Variants in FCRL5 observed in about 807,000 individuals in gnomAD.
FCRL5 encodes the protein Fc receptor-like protein 5.
A neutral mutation model predicts 92.1 loss-of-function variants in FCRL5; 79 were observed. The observed-to-expected ratio is 0.86, with a 90% confidence interval of 0.72 to 1.03. FCRL5 has a LOEUF of 1.03. Among genes scored for constraint, FCRL5 ranks in the 50% least tolerant of loss-of-function variants. The probability of loss-of-function intolerance (pLI) is 0.00; values close to 1 mark genes in which losing one functional copy is unlikely to be tolerated. For synonymous variants in FCRL5, 466 were observed against 469.3 expected, an observed-to-expected ratio of 0.99 and a Z score of 0.09; for missense variants, 1,160 against 1,181.1, an observed-to-expected ratio of 0.98 and a Z score of 0.26.
rs1649921636 is a variant in FCRL5, at chr1:157,516,110, C to A, written c.2813-237G>T. 84 of 613,784 alleles carry A rather than the reference C, an allele frequency of 1.4e-4. No individual in the cohort carries two copies. The South Asian group carries it at 1.6e-3, about 11-fold the overall frequency. The allele number at this position is 613,784 out of a possible 1,614,324, so 38.0% of individuals were successfully genotyped here. On this transcript the variant is annotated intron_variant, in intron 15 of 16. Transcript: ENST00000361835. ...TTCACACTTTGTGGCCCACTCTGAG[C>A]TGCCTAGAGGCCCTCAAGAGAAAGT...
At position 157,515,612 on chromosome 1, in the gene FCRL5, T is replaced by A. The variant is rs963638462; in HGVS notation, c.*63A>T. On this transcript the variant is annotated 3_prime_UTR_variant, in exon 17 of 17. Coordinates refer to ENST00000361835, the MANE Select transcript of FCRL5 (RefSeq NM_031281.3). Reference sequence around the variant, plus strand: ...CTAAATCTTCCCACTTCAATGCTGCTTCTCCCCCAAGGGGAACTTTGGGGT... The same window carrying A: ...CTAAATCTTCCCACTTCAATGCTGCATCTCCCCCAAGGGGAACTTTGGGGT... 4 of 1,613,784 alleles carry A rather than the reference T, an allele frequency of 2.5e-6. No homozygotes were observed. The highest frequency in any genetic ancestry group is 2.5e-6 in the Non-Finnish European group (3 of 1,180,022).
rs60191062 is a variant in FCRL5 at position 157,535,943 on chromosome 1, G to GTTTTTTTTTTTTTTTT, written c.1403-1067_1403-1052dup. ...GGCTAAATTCACTGGATGTGACTCA[G>GTTTTTTTTTTTTTTTT]TTTTTTTTTTTTTTTTGAGATGGAG... On this transcript the variant is annotated intron_variant, in intron 7 of 16. Coordinates refer to ENST00000361835, the MANE Select transcript of FCRL5 (RefSeq NM_031281.3). 7.4e-4 allele frequency among the ~76,000 whole-genome samples: 67 copies of GTTTTTTTTTTTTTTTT among 90,020 alleles called. 8 individuals carry two copies. The highest frequency in any genetic ancestry group is 8.7e-4 in the Non-Finnish European group (41 of 46,928). 59.1% of individuals were successfully genotyped at this position (90,020 alleles called of 152,430 possible). A position where few individuals can be genotyped will look rare whatever the true frequency, so the allele number is the denominator to read the frequency against.
intron 3 of FCRL5, 98 bp from the exon 4 acceptor site, chr1:157,545,180 G>A (rs138313719): frequency 1.5e-6 from 2 of 1,334,386 alleles, no homozygotes; most frequent in African/African-American, 3.0e-5. Context: ...AAATGGGTTG[G>A]GAAAAAGAAC....
chr1:157,535,161 G>T (rs1472164525), intron 7 of FCRL5, among the ~76,000 whole-genome samples: 1 of 152,138 alleles, frequency 6.6e-6, no homozygotes, highest in African/African-American at 2.4e-5. Flanking sequence ...AGGAGATGAT[G>T]CTTTCAAGGA....
At chr1:157,524,164 TG>T (rs950672175) in intron 10 of FCRL5, 114 bp downstream of exon 10, 3 of 1,103,794 alleles carry the variant, frequency 2.7e-6, no homozygotes, top group Non-Finnish European at 2.6e-6. Flanking sequence ...GGAAGTGTGC[TG>T]GGATGCCACA....
rs1391141771 is a variant in FCRL5, at chr1:157,547,180, T to A, written c.70A>T (p.Ile24Phe). Residue 24 changes from isoleucine to phenylalanine, a missense_variant, in exon 3 of 17, where the codon ATT becomes TTT. Transcript: ENST00000361835. ...SGQFARTPRPIIFLQPPWTTV... is the reference protein window; with the variant it reads ...SGQFARTPRPFIFLQPPWTTV... ...GTCCATGGAGGCTGGAGGAAAATAA[T>A]GGGCCTGGGTGTCCTTGCTGAAGAG... 6.2e-7 allele frequency: 1 copy of A among 1,613,656 alleles called. No individual in the cohort carries two copies. The highest frequency in any genetic ancestry group is 1.1e-5 in the South Asian group (1 of 91,054).
chr1:157,546,094 C>T (rs946498332), intron 3 of FCRL5: 6 of 272,290 alleles, frequency 2.2e-5, no homozygotes, highest in Non-Finnish European at 3.7e-5. Flanking sequence ...GCATTATCTA[C>T]CCATAAGTAT....
chr1:157,518,641 C>T (rs1297197633), intron 14 of FCRL5, 59 bp downstream of exon 14: 1 of 1,531,476 alleles, frequency 6.5e-7, no homozygotes, highest in Admixed American at 1.7e-5. Flanking sequence ...TCTCCTGCCC[C>T]ACCGCTTTCC....
chr1:157,537,127 T>C (rs1367641885), intron 7 of FCRL5, among the ~76,000 whole-genome samples: 1 of 152,188 alleles, frequency 6.6e-6, no homozygotes, highest in African/African-American at 2.4e-5. Flanking sequence ...ATAACAGCAA[T>C]GTTCAGGGAA....
At chr1:157,539,973 T>C (rs1651173673) in intron 6 of FCRL5, among the ~76,000 whole-genome samples, 1 of 152,236 alleles carries the variant, frequency 6.6e-6, no homozygotes, top group African/African-American at 2.4e-5. Flanking sequence ...CAAAATCATC[T>C]TTGGAGAAGG....
intron 9 of FCRL5, among the ~76,000 whole-genome samples, chr1:157,525,015 A>AT (rs1650366313): frequency 6.6e-6 from 1 of 152,188 alleles, no homozygotes; most frequent in Non-Finnish European, 1.5e-5. Context: ...TTGAACAAAA[A>AT]TTTTTTAAAA....
chr1:157,539,387 C>T, intron 6 of FCRL5, 23 bp from the exon 7 acceptor site: 9 of 1,571,520 alleles, frequency 5.7e-6, no homozygotes, highest in Non-Finnish European at 7.8e-6. Context: ...AAAAATTAGT[C>T]AAGATTTGTT....
At position 157,514,094 on chromosome 1, in the gene FCRL5, C is replaced by T. The variant is rs145179024; in HGVS notation, c.*1581G>A. On this transcript the variant is annotated 3_prime_UTR_variant, in exon 17 of 17. Transcript: ENST00000361835. Reference sequence around the variant, plus strand: ...GCAGAGCCAGCCCTGTCTATCTGGGCAAGGCCCTGACACTTGGAAGCATGA... The same window carrying T: ...GCAGAGCCAGCCCTGTCTATCTGGGTAAGGCCCTGACACTTGGAAGCATGA... 2.0e-4 allele frequency: 31 copies of T among 152,340 alleles called. No individual in the cohort carries two copies. Among genetic ancestry groups the T allele is most frequent in the African/African-American group, 7.5e-4 (31 of 41,572 alleles). 9.4% of individuals were successfully genotyped at this position (152,340 alleles called of 1,614,324 possible). A position where few individuals can be genotyped will look rare whatever the true frequency, so the allele number is the denominator to read the frequency against.
At chr1:157,524,168 A>T in intron 10 of FCRL5, 111 bp downstream of exon 10, 1 of 1,138,768 alleles carries the variant, frequency 8.8e-7, no homozygotes, top group Admixed American at 2.3e-5. Flanking sequence ...GTGTGCTGGG[A>T]TGCCACACAA....
At chr1:157,545,152 G>A in intron 3 of FCRL5, 70 bp from the exon 4 acceptor site, 1 of 1,523,878 alleles carries the variant, frequency 6.6e-7, no homozygotes. Context: ...GTTTTTCCAA[G>A]TAGATTTTAT....
Position 157,551,723 on chromosome 1 carries a change from A to G in FCRL5, c.31+609T>C, listed in dbSNP as rs187517699. Among the ~76,000 whole-genome samples, 646 of 152,372 alleles carry G rather than the reference A, an allele frequency of 4.2e-3. 2 individuals are homozygous for G. The highest frequency in any genetic ancestry group is 5.1e-3 in the Non-Finnish European group (347 of 68,036). ...ATTTAACCTTTAGTAAAAATCAACC[A>G]GTTCGCACATATGAGTTGATAGAGA... is the stretch of plus-strand genomic sequence containing the variant. On this transcript the variant is annotated intron_variant, in intron 1 of 16. Transcript: ENST00000361835.
At chr1:157,538,519 G>C (rs1192989564) in intron 7 of FCRL5, among the ~76,000 whole-genome samples, 2 of 152,204 alleles carry the variant, frequency 1.3e-5, no homozygotes, top group African/African-American at 4.8e-5. Flanking sequence ...GCAAGTAGAG[G>C]TTAAGCTGTC....
intron 6 of FCRL5, among the ~76,000 whole-genome samples, chr1:157,540,716 A>T (rs1266204177): frequency 6.6e-6 from 1 of 152,150 alleles, no homozygotes; most frequent in Non-Finnish European, 1.5e-5. Context: ...ATCCCCAACA[A>T]TCTACTAAAG....
At chr1:157,534,350 G>A in intron 8 of FCRL5, 1 of 712,404 alleles carries the variant, frequency 1.4e-6, no homozygotes, top group Non-Finnish European at 2.6e-6. Context: ...TTGGCGTACT[G>A]TTGGAACATA....
Sources: allele counts gnomAD v4.1 joint callset (sites outside exome capture counted in the v4.1 genomes callset), GRCh38; gene constraint gnomAD v4.1.1; transcripts MANE v1.5; gene names NCBI Gene and HGNC (gene_info 2026-07-23, HGNC 2026-07-21).